The following RPH3A variants were observed in gnomAD, a reference collection of about 807,000 sequenced individuals.
The protein encoded by RPH3A is rabphilin 3A, also known as rabphilin-3A.
Under a neutral mutation model 102.2 loss-of-function variants are expected in RPH3A, and 48 were observed. The observed-to-expected ratio is 0.47, with a 90% CI of 0.37 to 0.60. The LOEUF (loss-of-function observed/expected upper bound fraction) is 0.60, where lower values mean the gene tolerates loss of function less well. Among genes scored for constraint, RPH3A ranks in the 20% least tolerant of loss-of-function variants. The pLI is 0.00. For synonymous variants in RPH3A, 310 were observed against 324.3 expected (o/e 0.96, Z 0.47); for missense variants, 781 against 910.1 (o/e 0.86, Z 1.83).
chr12:112,857,833 G>A (rs2042434870), intron 5 of RPH3A, among the ~76,000 whole-genome samples: 1 of 152,092 alleles, frequency 6.6e-6, no homozygotes, highest in Admixed American at 6.6e-5. Flanking sequence ...GACCAACCTT[G>A]TAGTTTCAAA....
At chr12:112,727,802 C>G (rs1320871921) in intron 1 of RPH3A, among the ~76,000 whole-genome samples, 1 of 152,008 alleles carries the variant, frequency 6.6e-6, no homozygotes, top group Non-Finnish European at 1.5e-5. Context: ...TAAATGAAAC[C>G]ACACAGTGTC....
intron 1 of RPH3A, among the ~76,000 whole-genome samples, chr12:112,710,533 C>T (rs1355090350): frequency 6.6e-6 from 1 of 152,198 alleles, no homozygotes; most frequent in African/African-American, 2.4e-5. Context: ...AGTTCCCTTT[C>T]AGGCCCAATC....
chr12:112,800,355 C>G (rs1842130567), intron 2 of RPH3A, among the ~76,000 whole-genome samples: 1 of 152,128 alleles, frequency 6.6e-6, no homozygotes, highest in African/African-American at 2.4e-5. Context: ...AAGGGACAGA[C>G]AGTCGGCTGG....
Position 112,890,944 on chromosome 12 carries a change from A to C in RPH3A, c.1716A>C (p.Ile572=). ...TQQGGLIVGI[I]RCVHLAAMDA... ...AGGGAGGCCTCATTGTGGGCATCATACGCTGCGTGCACCTGGCTGCCATGG... is the reference window on the plus strand; with the variant it reads ...AGGGAGGCCTCATTGTGGGCATCATCCGCTGCGTGCACCTGGCTGCCATGG... The change falls in exon 19 of 22, where the codon ATA becomes ATC. Residue 572 remains isoleucine (I), a synonymous_variant. Coordinates refer to ENST00000389385, the MANE Select transcript of RPH3A (RefSeq NM_001143854.2). 1 of 1,614,130 alleles carries C rather than the reference A, an allele frequency of 6.2e-7. No individual in the cohort carries two copies. Among genetic ancestry groups the C allele is most frequent in the Non-Finnish European group, 8.5e-7 (1 of 1,180,018 alleles).
chr12:112,880,830 G>A (rs1329937829), intron 14 of RPH3A, among the ~76,000 whole-genome samples: 5 of 152,178 alleles, frequency 3.3e-5, no homozygotes, highest in African/African-American at 1.2e-4. Flanking sequence ...AATAAAGTAA[G>A]CTAGCTGAAA....
intron 21 of RPH3A, among the ~76,000 whole-genome samples, chr12:112,896,364 A>G (rs1360349439): frequency 6.6e-6 from 1 of 152,182 alleles, no homozygotes; most frequent in Non-Finnish European, 1.5e-5. Flanking sequence ...GTAGTGGGAG[A>G]TAAGTTTCAG....
rs2042655370 is a variant in RPH3A, at chr12:112,868,740, C to G, written c.610+145C>G. ...GCACTTGGGTCTAGGACTCCTATAT[C>G]TCCTTCAGAGTTCACCATAAATCGT... On this transcript the variant is annotated intron_variant, in intron 8 of 21. Transcript: ENST00000389385. 7 of 805,358 alleles carry G rather than the reference C, an allele frequency of 8.7e-6. No individual in the cohort carries two copies. The Middle Eastern group carries it at 1.9e-3, about 214-fold the overall frequency. The allele number at this position is 805,358 out of a possible 1,614,324, so 49.9% of individuals were successfully genotyped here. A position where few individuals can be genotyped will look rare whatever the true frequency, so the allele number is the denominator to read the frequency against.
chr12:112,656,922 G>A (rs567813062), intron 1 of RPH3A, among the ~76,000 whole-genome samples: 103 of 152,030 alleles, frequency 6.8e-4, no homozygotes, highest in Non-Finnish European at 1.2e-3. Flanking sequence ...ATGAGTGAAT[G>A]TGTCTTTTTT....
At chr12:112,691,187 G>A (rs553134820) in intron 1 of RPH3A, among the ~76,000 whole-genome samples, 1 of 152,270 alleles carries the variant, frequency 6.6e-6, no homozygotes, top group South Asian at 2.1e-4. Context: ...ACCACGCCCG[G>A]CTAATTTTTT....
At chr12:112,695,808 G>A (rs1256683842) in intron 1 of RPH3A, among the ~76,000 whole-genome samples, 1 of 152,152 alleles carries the variant, frequency 6.6e-6, no homozygotes, top group Non-Finnish European at 1.5e-5. Context: ...AGGAGACCTG[G>A]AGTAGTTTTT....
intron 1 of RPH3A, among the ~76,000 whole-genome samples, chr12:112,725,264 A>AC (rs1216498929): frequency 6.6e-6 from 1 of 150,740 alleles, no homozygotes; most frequent in Non-Finnish European, 1.5e-5. Flanking sequence ...AAAAAAAAAA[A>AC]AAAAAAAAAA....
At chr12:112,785,775 C>T (rs2041045246) in intron 1 of RPH3A, among the ~76,000 whole-genome samples, 1 of 152,170 alleles carries the variant, frequency 6.6e-6, no homozygotes, top group Non-Finnish European at 1.5e-5. Flanking sequence ...TGAACACTGG[C>T]AGCCTAGCTC....
In RPH3A at chr12:112,896,881, A is replaced by C; in HGVS notation, c.*101A>C. ...CTCTTCTCTATGCCTACCTCCCCCC[A>C]TACCCTGCTGATCTCCCTGAGCCTG... On this transcript the variant is annotated 3_prime_UTR_variant, in exon 22 of 22. Coordinates refer to ENST00000389385, the MANE Select transcript of RPH3A (RefSeq NM_001143854.2). 11 of 1,317,968 alleles carry C rather than the reference A, an allele frequency of 8.3e-6. No individual in the cohort carries two copies. Among genetic ancestry groups the C allele is most frequent in the African/African-American group, 1.5e-5 (1 of 68,240 alleles). The allele number at this position is 1,317,968 out of a possible 1,614,324, so 81.6% of individuals were successfully genotyped here.
intron 1 of RPH3A, among the ~76,000 whole-genome samples, chr12:112,784,068 C>T (rs2041027327): frequency 6.6e-6 from 1 of 152,180 alleles, no homozygotes; most frequent in Admixed American, 6.5e-5. Context: ...CCTGGGGTCA[C>T]TCCTTTATGA....
chr12:112,846,895 G>A (rs2042239253), intron 4 of RPH3A, among the ~76,000 whole-genome samples: 1 of 152,170 alleles, frequency 6.6e-6, no homozygotes, highest in African/African-American at 2.4e-5. Context: ...AACTGTGCAG[G>A]CTCCCTGGGT....
chr12:112,779,206 G>A (rs1401170114), intron 1 of RPH3A, among the ~76,000 whole-genome samples: 1 of 152,226 alleles, frequency 6.6e-6, no homozygotes, highest in Non-Finnish European at 1.5e-5. Flanking sequence ...GTGAAGGGGA[G>A]AGGGAAAGAA....
In RPH3A at chr12:112,735,889, A is replaced by T. The variant is rs116388193; in HGVS notation, c.-139-56254A>T. On this transcript the variant is annotated intron_variant, in intron 1 of 21. Transcript: ENST00000543106. Reference sequence around the variant, plus strand: ...CTGGGATCTATTCCTACCCTACTTTATTACTCATGCTACACGATTCCCATT... The same window carrying T: ...CTGGGATCTATTCCTACCCTACTTTTTTACTCATGCTACACGATTCCCATT... Among the ~76,000 whole-genome samples, 826 of 152,130 alleles carry T rather than the reference A, an allele frequency of 5.4e-3. 7 individuals are homozygous for T. The highest frequency in any genetic ancestry group is 0.019 in the African/African-American group (790 of 41,486).
chr12:112,639,029 C>T (rs1369250673), intron 1 of RPH3A, among the ~76,000 whole-genome samples: 1 of 152,090 alleles, frequency 6.6e-6, no homozygotes, highest in Admixed American at 6.5e-5. Flanking sequence ...CTTGTTCAAC[C>T]CCTCCCCTCC....
intron 2 of RPH3A, among the ~76,000 whole-genome samples, chr12:112,804,376 G>T (rs1023032561): frequency 2.0e-5 from 3 of 152,196 alleles, no homozygotes; most frequent in Admixed American, 6.5e-5. Context: ...GATGCAAGTG[G>T]TCACTGCACC....
Sources: gnomAD v4.1 joint callset for allele counts (sites outside exome capture counted in the v4.1 genomes callset) on GRCh38, gnomAD v4.1.1 for gene constraint, MANE v1.5 for transcripts, NCBI Gene and HGNC (gene_info 2026-07-23, HGNC 2026-07-21) for gene names.